The following NDUFA10 variants were observed in gnomAD, a reference collection of about 807,000 sequenced individuals.
The protein encoded by NDUFA10 is NADH:ubiquinone oxidoreductase subunit A10.
A neutral mutation model predicts 47.8 loss-of-function variants in NDUFA10; 40 were observed. The ratio of observed to expected loss-of-function variants is 0.84; its 90% CI spans 0.65 to 1.09. The LOEUF (loss-of-function observed/expected upper bound fraction) is 1.09. NDUFA10 is among the 50% of genes least tolerant of loss of function. The pLI is 0.00. For missense variants in NDUFA10, 413 were observed against 451.1 expected, an observed-to-expected ratio of 0.92 and a Z score of 0.76; for synonymous variants, 183 against 172.2, an observed-to-expected ratio of 1.06 and a Z score of -0.49.
intron 4 of NDUFA10, among the ~76,000 whole-genome samples, chr2:239,924,220 T>C (rs1374933519): frequency 1.3e-5 from 2 of 151,982 alleles, no homozygotes; most frequent in Non-Finnish European, 2.9e-5. Context: ...ATTACCTTAA[T>C]AAAAACCTGA....
intron 4 of NDUFA10, among the ~76,000 whole-genome samples, chr2:239,916,661 G>A (rs777040716): frequency 1.3e-5 from 2 of 152,262 alleles, no homozygotes; most frequent in African/African-American, 2.4e-5. Context: ...CAGGGTCCAG[G>A]CACCAGCAGG....
intron 5 of NDUFA10, among the ~76,000 whole-genome samples, chr2:239,892,998 C>T (rs1271264576): frequency 6.6e-6 from 1 of 152,132 alleles, no homozygotes; most frequent in Non-Finnish European, 1.5e-5. Flanking sequence ...TGGCCCTGAA[C>T]GCCTACGTGG....
At chr2:239,893,574 C>G (rs13413262) in intron 5 of NDUFA10, among the ~76,000 whole-genome samples, 19,295 of 152,258 alleles carry the variant, frequency 0.13, 1,344 homozygotes, top group South Asian at 0.18. Context: ...TCCTCCAGAG[C>G]GGAGAACTGC....
At chr2:240,021,076 A>C (rs1697599076) in intron 3 of NDUFA10, 121 bp downstream of exon 3, 9 of 796,162 alleles carry the variant, frequency 1.1e-5, no homozygotes, top group Non-Finnish European at 1.9e-5. Context: ...TGTTGGAAAG[A>C]CAGAACTCAC....
At chr2:239,939,893 C>T (rs189445127) in intron 4 of NDUFA10, among the ~76,000 whole-genome samples, 193 of 152,338 alleles carry the variant, frequency 1.3e-3, no homozygotes, top group African/African-American at 4.4e-3. Flanking sequence ...GGCCAAGCTG[C>T]GATTCCATGG....
At position 239,938,564 on chromosome 2, in the gene NDUFA10, G is replaced by A. The variant is rs542375581; in HGVS notation, c.295-43250C>T. On this transcript the variant is annotated intron_variant, in intron 4 of 5. Coordinates refer to the NDUFA10 transcript ENST00000419408. The stretch of plus-strand genomic sequence containing the variant: ...GGGAGGCGGCTACTTCCAGGGCAGC[G>A]TCTCTTCCTGCCCAGTGGGGTCTGC... Among the ~76,000 whole-genome samples, 45 of 152,310 alleles carry A rather than the reference G, an allele frequency of 3.0e-4. 1 individual carries two copies. The highest frequency in any genetic ancestry group is 8.2e-4 in the African/African-American group (34 of 41,564).
At chr2:239,994,043 T>C (rs1696365023) in intron 8 of NDUFA10, among the ~76,000 whole-genome samples, 1 of 152,090 alleles carries the variant, frequency 6.6e-6, no homozygotes, top group Admixed American at 6.5e-5. Context: ...GTCTCCTCCT[T>C]GTAAAATGAG....
chr2:240,012,743 G>C (rs1234195892), intron 5 of NDUFA10: 2 of 152,162 alleles, frequency 1.3e-5, no homozygotes, highest in Admixed American at 1.3e-4. Flanking sequence ...TAATGCGACG[G>C]GGCACAGGGA....
At chr2:239,964,155 T>C (rs4464310) in intron 9 of NDUFA10, among the ~76,000 whole-genome samples, 111,615 of 151,802 alleles carry the variant, frequency 0.74, 41,215 homozygotes, top group African/African-American at 0.79. Context: ...ATGCCCAGCC[T>C]CCAGAACCTG....
chr2:240,010,544 T>C (rs961465005), intron 6 of NDUFA10, among the ~76,000 whole-genome samples: 5 of 152,162 alleles, frequency 3.3e-5, no homozygotes. Flanking sequence ...ACGTTGGCTC[T>C]AGATACTTCC....
chr2:240,000,523 T>C (rs1276797188), intron 8 of NDUFA10, among the ~76,000 whole-genome samples: 1 of 152,216 alleles, frequency 6.6e-6, no homozygotes, highest in African/African-American at 2.4e-5. Flanking sequence ...CTAAGGTTAA[T>C]CTCTTACTGA....
At chr2:239,989,096 G>A (rs1175684651) in intron 9 of NDUFA10, among the ~76,000 whole-genome samples, 1 of 152,234 alleles carries the variant, frequency 6.6e-6, no homozygotes, top group Non-Finnish European at 1.5e-5. Flanking sequence ...TCACACACGT[G>A]TACAAAGACA....
chr2:239,903,952 G>A (rs1317538743), intron 4 of NDUFA10, among the ~76,000 whole-genome samples: 2 of 152,244 alleles, frequency 1.3e-5, no homozygotes, highest in Non-Finnish European at 2.9e-5. Context: ...CAGAGAACCA[G>A]GGGCAGGCAA....
rs1693652831 is a variant in NDUFA10 at position 239,906,224 on chromosome 2, C to T, written c.295-10910G>A. On this transcript the variant is annotated intron_variant, in intron 4 of 5. Transcript: ENST00000419408. This position sits in a 1 kb window ranked among gnomAD's most constrained non-coding sequence, Gnocchi z 4.3. ...CCCTCCAGGTGGTTGGAAATATTAC[C>T]CGGAAGGAAGTCAGTATATAATTAA... 6.6e-6 allele frequency among the ~76,000 whole-genome samples: 1 copy of T among 152,152 alleles called. No individual in the cohort carries two copies. The highest frequency in any genetic ancestry group is 1.5e-5 in the Non-Finnish European group (1 of 68,014).
intron 4 of NDUFA10, among the ~76,000 whole-genome samples, chr2:239,919,296 C>G (rs1693928133): frequency 6.6e-6 from 1 of 152,290 alleles, no homozygotes; most frequent in South Asian, 2.1e-4. Context: ...CTCATGCCCC[C>G]TTTGCACTGG....
At chr2:240,010,015 C>T (rs1390864055) in intron 6 of NDUFA10, among the ~76,000 whole-genome samples, 1 of 152,202 alleles carries the variant, frequency 6.6e-6, no homozygotes, top group African/African-American at 2.4e-5. Flanking sequence ...AAAATAGTTT[C>T]AGCCAAATTT....
At chr2:240,003,793 G>A (rs1696828024) in intron 8 of NDUFA10, among the ~76,000 whole-genome samples, 1 of 152,130 alleles carries the variant, frequency 6.6e-6, no homozygotes, top group Non-Finnish European at 1.5e-5. Context: ...GGGGGTGGGT[G>A]GTGGAGGACA....
rs931775512 is a variant in NDUFA10 at position 239,945,168 on chromosome 2, G to C, written c.294+44906C>G. On this transcript the variant is annotated intron_variant, in intron 4 of 5. Coordinates refer to the NDUFA10 transcript ENST00000419408. This position sits in a 1 kb window ranked among gnomAD's most constrained non-coding sequence, Gnocchi z 4.6. ...AGCCCCGGCACCCCTCCCGCAGGAG[G>C]GCCTGACTGGGGAGGAAATGACAAG... 6.6e-6 allele frequency among the ~76,000 whole-genome samples: 1 copy of C among 152,122 alleles called. No homozygotes were observed. Among genetic ancestry groups the C allele is most frequent in the African/African-American group, 2.4e-5 (1 of 41,422 alleles).
intron 5 of NDUFA10, among the ~76,000 whole-genome samples, chr2:239,893,498 G>A (rs1241819792): frequency 6.6e-6 from 1 of 152,204 alleles, no homozygotes; most frequent in Non-Finnish European, 1.5e-5. Context: ...TCTGGAGGTA[G>A]GAAGTCCAAG....
Sources: allele counts gnomAD v4.1 joint callset (sites outside exome capture counted in the v4.1 genomes callset), GRCh38; gene constraint gnomAD v4.1.1; non-coding constraint Gnocchi (gnomAD v3.1); transcripts MANE v1.5; gene names NCBI Gene and HGNC (gene_info 2026-07-23, HGNC 2026-07-21).